ECHDC3: variants seen among roughly 807,000 people sequenced by gnomAD.
The protein encoded by ECHDC3 is enoyl-CoA hydratase domain containing 3.
A neutral mutation model predicts 17.9 loss-of-function variants in ECHDC3; 20 were observed. That is an observed-to-expected ratio of 1.12 (90% CI 0.79 to 1.63). The LOEUF (loss-of-function observed/expected upper bound fraction) is 1.63, where lower values mean the gene tolerates loss of function less well. Ranked by LOEUF, ECHDC3 falls within the 40% of genes most tolerant of loss-of-function variation. The probability of loss-of-function intolerance (pLI) is 0.00; values close to 1 mark genes in which losing one functional copy is unlikely to be tolerated. For synonymous variants in ECHDC3, 177 were observed against 149.7 expected (o/e 1.18, Z -1.33); for missense variants, 407 against 357.7 (o/e 1.14, Z -1.11).
chr10:11,754,558 A>G (rs992310433), intron 3 of ECHDC3, among the ~76,000 whole-genome samples: 2 of 152,152 alleles, frequency 1.3e-5, no homozygotes, highest in Non-Finnish European at 2.9e-5. Flanking sequence ...GAGCATCTTC[A>G]TGGTGGTAAT....
Position 11,755,503 on chromosome 10 carries a change from C to T in ECHDC3, c.486C>T (p.Asp162=), listed in dbSNP as rs756127679. 1 of 1,614,148 alleles carries T rather than the reference C, an allele frequency of 6.2e-7. No individual in the cohort carries two copies. The highest frequency in any genetic ancestry group is 8.5e-7 in the Non-Finnish European group (1 of 1,180,020). The part of the protein sequence containing the change: ...AAGCQLVASC[D]IAVASDKSSF... ...GCTGTCAACTGGTTGCCAGCTGCGA[C>T]ATTGCCGTGGCGAGCGACAAGTCCT... Residue 162 remains aspartate (D), a synonymous_variant, in exon 4 of 5, where the codon GAC becomes GAT. Coordinates refer to ENST00000379215, the MANE Select transcript of ECHDC3 (RefSeq NM_024693.5).
intron 3 of ECHDC3, among the ~76,000 whole-genome samples, chr10:11,749,894 C>A (rs1374608975): frequency 6.7e-6 from 1 of 148,734 alleles, no homozygotes; most frequent in African/African-American, 2.5e-5. Flanking sequence ...CTCCCAAGTT[C>A]AAGCGATTCT....
At position 11,742,413 on chromosome 10, in the gene ECHDC3, C is replaced by T; in HGVS notation, c.-164C>T. The T allele has an allele frequency of 1.8e-6, 1 of 551,692 alleles. No homozygotes were observed. The highest frequency in any genetic ancestry group is 2.5e-6 in the Non-Finnish European group (1 of 394,130). 34.2% of individuals were successfully genotyped at this position (551,692 alleles called of 1,614,324 possible). On this transcript the variant is annotated 5_prime_UTR_variant, in exon 1 of 5. Transcript: ENST00000379215. ...CGGACTGGGCCTGGCCTGGGGCGTCCCCGCGAAGCCTGGGCCTGTCAGGCG... is the reference window on the plus strand; with the variant it reads ...CGGACTGGGCCTGGCCTGGGGCGTCTCCGCGAAGCCTGGGCCTGTCAGGCG...
intron 4 of ECHDC3, among the ~76,000 whole-genome samples, chr10:11,761,100 C>A (rs1268242065): frequency 6.6e-6 from 1 of 152,192 alleles, no homozygotes; most frequent in African/African-American, 2.4e-5. Context: ...GCTCCATCTC[C>A]ACCCATGGTG....
chr10:11,747,826 T>G (rs747196057), intron 2 of ECHDC3, among the ~76,000 whole-genome samples: 1 of 152,268 alleles, frequency 6.6e-6, no homozygotes, highest in Non-Finnish European at 1.5e-5. Flanking sequence ...TTGATTGGTC[T>G]GACTTTTCTT....
chr10:11,749,400 C>T, intron 2 of ECHDC3, 95 bp from the exon 3 acceptor site: 3 of 1,154,606 alleles, frequency 2.6e-6, no homozygotes, highest in Non-Finnish European at 3.7e-6. Context: ...TGAAAGTTTG[C>T]TGAAGTTATT....
rs202207495 is a variant in ECHDC3 at position 11,755,476 on chromosome 10, C to T, written c.459C>T (p.Ala153=). The change falls in exon 4 of 5, where the codon GCC becomes GCT. Residue 153 remains alanine (A), a synonymous_variant. Transcript: ENST00000379215. ...IAMVNGLAAA[A]GCQLVASCDI... ...TGGTCAATGGCCTGGCCGCGGCTGC[C>T]GGCTGTCAACTGGTTGCCAGCTGCG... The T allele has an allele frequency of 3.3e-5, 53 of 1,614,056 alleles. No individual in the cohort carries two copies. The highest frequency in any genetic ancestry group is 1.6e-4 in the African/African-American group (12 of 75,026).
intron 4 of ECHDC3, among the ~76,000 whole-genome samples, chr10:11,757,472 T>A (rs1296859893): frequency 6.6e-6 from 1 of 152,176 alleles, no homozygotes; most frequent in Non-Finnish European, 1.5e-5. Flanking sequence ...TGAACCAAAG[T>A]AGCTTTTACC....
At chr10:11,757,967 C>G (rs557512636) in intron 4 of ECHDC3, among the ~76,000 whole-genome samples, 4 of 152,266 alleles carry the variant, frequency 2.6e-5, no homozygotes, top group African/African-American at 7.2e-5. Flanking sequence ...CACAGGCCCA[C>G]CGAGTATTTT....
intron 4 of ECHDC3, among the ~76,000 whole-genome samples, chr10:11,761,344 T>G (rs1832948681): frequency 6.6e-6 from 1 of 152,196 alleles, no homozygotes; most frequent in South Asian, 2.1e-4. Context: ...CAGAACATCC[T>G]GCAATGCACA....
At chr10:11,744,218 C>T (rs1176345013) in intron 1 of ECHDC3, among the ~76,000 whole-genome samples, 1 of 152,166 alleles carries the variant, frequency 6.6e-6, no homozygotes, top group Non-Finnish European at 1.5e-5. Flanking sequence ...GAGGTGACAG[C>T]CTGTTCAGGG....
chr10:11,748,886 A>C (rs1564282643), intron 2 of ECHDC3, among the ~76,000 whole-genome samples: 1 of 152,232 alleles, frequency 6.6e-6, no homozygotes, highest in Middle Eastern at 3.2e-3. Flanking sequence ...ACTCTGTCTC[A>C]AACAACAACA....
intron 3 of ECHDC3, among the ~76,000 whole-genome samples, chr10:11,753,408 T>C (rs566192923): frequency 1.2e-4 from 19 of 152,276 alleles, no homozygotes; most frequent in African/African-American, 4.6e-4. Flanking sequence ...TTATATGCTT[T>C]TTTAATGTTG....
chr10:11,747,468 C>A lies in ECHDC3; in HGVS notation c.290C>A (p.Ser97Ter). The change falls in exon 2 of 5, where the codon TCG becomes TAG. Residue 97 changes from serine (S) to a stop codon, truncating the protein, a stop_gained and splice_region_variant. Transcript: ENST00000379215. LOFTEE classifies it high-confidence loss of function. ...DSNDLKVIII[S>*]AEGPVFSSGH... ...AACGATCTGAAAGTCATTATCATCT[C>A]GGGTATGTATCTGATATCTGTCCTT... 1.2e-6 allele frequency: 2 copies of A among 1,613,528 alleles called. No individual in the cohort carries two copies. Among genetic ancestry groups the A allele is most frequent in the South Asian group, 2.2e-5 (2 of 91,038 alleles).
chr10:11,748,490 AT>A (rs1333745240), intron 2 of ECHDC3, among the ~76,000 whole-genome samples: 1 of 114,422 alleles, frequency 8.7e-6, no homozygotes, highest in African/African-American at 3.0e-5. Flanking sequence ...TGCCTGGCTA[AT>A]TTTTAAGGTT....
At chr10:11,749,630 A>G in intron 3 of ECHDC3, 38 bp downstream of exon 3, 2 of 1,595,676 alleles carry the variant, frequency 1.3e-6, no homozygotes, top group East Asian at 2.2e-5. Flanking sequence ...AAACCTGCAA[A>G]TGATCATTAC....
chr10:11,755,895 T>C lies in ECHDC3; in HGVS notation c.591+287T>C, dbSNP rs41311226. 7.8e-3 allele frequency among the ~76,000 whole-genome samples: 1,190 copies of C among 152,380 alleles called. 9 individuals are homozygous for C. The highest frequency in any genetic ancestry group is 0.014 in the Non-Finnish European group (947 of 68,048). ...AGTACCACTGGGTAGGTTTGCCGATTAGTTTTGTTTGTCTTCCTAATGGCC... is the reference window on the plus strand; with the variant it reads ...AGTACCACTGGGTAGGTTTGCCGATCAGTTTTGTTTGTCTTCCTAATGGCC... On this transcript the variant is annotated intron_variant, in intron 4 of 4. Transcript: ENST00000379215.
chr10:11,743,199 C>T (rs757918565), intron 1 of ECHDC3, among the ~76,000 whole-genome samples: 1 of 152,214 alleles, frequency 6.6e-6, no homozygotes, highest in Non-Finnish European at 1.5e-5. Flanking sequence ...TGTACGCCAA[C>T]TGGAATCTGG....
intron 1 of ECHDC3, among the ~76,000 whole-genome samples, chr10:11,745,146 C>A (rs1336231460): frequency 6.6e-6 from 1 of 152,100 alleles, no homozygotes; most frequent in African/African-American, 2.4e-5. Context: ...GTGAGAAGAG[C>A]TTGGGTGGGG....
Sources: gnomAD v4.1 joint callset for allele counts (sites outside exome capture counted in the v4.1 genomes callset) on GRCh38, gnomAD v4.1.1 for gene constraint, MANE v1.5 for transcripts, NCBI Gene and HGNC (gene_info 2026-07-23, HGNC 2026-07-21) for gene names.